LSAMP: variants seen among roughly 807,000 people sequenced by gnomAD.
The protein encoded by LSAMP is limbic system associated membrane protein.
In LSAMP, 7 loss-of-function variants were observed where a neutral mutation model predicts 38.6. The observed-to-expected ratio is 0.18, with a 90% CI of 0.10 to 0.34. The LOEUF is 0.34. LSAMP is among the 10% of genes least tolerant of loss of function. The probability of loss-of-function intolerance (pLI) is 1.00; values close to 1 mark genes in which losing one functional copy is unlikely to be tolerated. For missense variants in LSAMP, 313 were observed against 420.0 expected, an observed-to-expected ratio of 0.75 and a Z score of 2.23; for synonymous variants, 154 against 166.8, an observed-to-expected ratio of 0.92 and a Z score of 0.59.
chr3:115,933,860 G>A lies in LSAMP; in HGVS notation c.515-81243C>T, dbSNP rs543480246. 2.0e-5 allele frequency among the ~76,000 whole-genome samples: 3 copies of A among 152,308 alleles called. No homozygotes were observed. The South Asian group carries it at 6.2e-4, about 32-fold the overall frequency. ...GTTGGTGTTGTCAGTCTTCTGGGAA[G>A]GAAATACTATAGAAGAGTGTTTGGG... On this transcript the variant is annotated intron_variant, in intron 3 of 6. Coordinates refer to ENST00000490035, the MANE Select transcript of LSAMP (RefSeq NM_002338.5).
intron 1 of LSAMP, among the ~76,000 whole-genome samples, chr3:116,297,372 TCC>T (rs2047350761): frequency 2.0e-5 from 3 of 152,148 alleles, no homozygotes; most frequent in African/African-American, 7.2e-5. Flanking sequence ...GATAGTGAGA[TCC>T]CTAGCTGACA....
intron 3 of LSAMP, among the ~76,000 whole-genome samples, chr3:115,897,873 G>A (rs1936768223): frequency 6.6e-6 from 1 of 152,042 alleles, no homozygotes; most frequent in African/African-American, 2.4e-5. Flanking sequence ...AAATTGGGAG[G>A]GCAAATTTGG....
intron 1 of LSAMP, among the ~76,000 whole-genome samples, chr3:116,280,397 TTAAA>T (rs2047113071): frequency 6.6e-6 from 1 of 152,176 alleles, no homozygotes; most frequent in African/African-American, 2.4e-5. Flanking sequence ...CTTTCTTGTA[TTAAA>T]CTGAGAAAGA....
intron 4 of LSAMP, among the ~76,000 whole-genome samples, chr3:115,849,493 G>A (rs1433649680): frequency 6.6e-6 from 1 of 150,524 alleles, no homozygotes; most frequent in Admixed American, 6.6e-5. Flanking sequence ...TTTTTTTCTT[G>A]TAGTGGTACT....
chr3:115,828,860 A>G (rs993723354), intron 6 of LSAMP, among the ~76,000 whole-genome samples: 1 of 152,202 alleles, frequency 6.6e-6, no homozygotes, highest in Admixed American at 6.5e-5. Context: ...TGCTGGCTCT[A>G]GACATCTAAA....
chr3:115,816,164 C>G (rs2107456453), intron 6 of LSAMP, among the ~76,000 whole-genome samples: 1 of 152,234 alleles, frequency 6.6e-6, no homozygotes, highest in Admixed American at 6.5e-5. Context: ...ATTTATTGGA[C>G]TTGTAAAGAC....
intron 1 of LSAMP, among the ~76,000 whole-genome samples, chr3:116,144,486 A>G (rs1435166497): frequency 2.0e-5 from 3 of 151,806 alleles, no homozygotes; most frequent in Non-Finnish European, 4.4e-5. Flanking sequence ...AGGTGCCACT[A>G]CATTCCAGCC....
intron 1 of LSAMP, among the ~76,000 whole-genome samples, chr3:116,308,289 C>T (rs144834420): frequency 6.6e-6 from 1 of 151,934 alleles, no homozygotes; most frequent in African/African-American, 2.4e-5. Flanking sequence ...TACAATAAAC[C>T]CTTTCTCAGC....
chr3:116,232,248 T>A (rs2046409975), intron 1 of LSAMP, among the ~76,000 whole-genome samples: 1 of 152,150 alleles, frequency 6.6e-6, no homozygotes, highest in Admixed American at 6.5e-5. Flanking sequence ...TCTACAGCCA[T>A]CCTATGTTTA....
At chr3:115,944,192 C>T (rs1938021273) in intron 3 of LSAMP, among the ~76,000 whole-genome samples, 1 of 152,146 alleles carries the variant, frequency 6.6e-6, no homozygotes, top group Admixed American at 6.5e-5. Flanking sequence ...AAACTCTTCT[C>T]AGTAGGAATG....
At chr3:116,354,459 T>A (rs1185935718) in intron 1 of LSAMP, among the ~76,000 whole-genome samples, 7 of 152,198 alleles carry the variant, frequency 4.6e-5, no homozygotes, top group Non-Finnish European at 8.8e-5. Context: ...AACATTGTTG[T>A]GAGTTAGTCT....
chr3:116,384,679 T>C (rs1324296899), intron 1 of LSAMP, among the ~76,000 whole-genome samples: 1 of 152,122 alleles, frequency 6.6e-6, no homozygotes, highest in Non-Finnish European at 1.5e-5. Context: ...GTTCTAAAAA[T>C]TAGAAGCAGA....
At chr3:115,958,366 C>T (rs148846883) in intron 3 of LSAMP, among the ~76,000 whole-genome samples, 138 of 152,210 alleles carry the variant, frequency 9.1e-4, no homozygotes, top group Non-Finnish European at 1.6e-3. Context: ...GGGTAAAGAT[C>T]ATTTATTTAA....
chr3:116,115,672 AAAAAC>A (rs1259765416), intron 1 of LSAMP, among the ~76,000 whole-genome samples: 3 of 152,056 alleles, frequency 2.0e-5, no homozygotes, highest in African/African-American at 4.8e-5. Context: ...GCAAAAAACA[AAAAAC>A]AAAACAAAAA....
intron 3 of LSAMP, among the ~76,000 whole-genome samples, chr3:115,918,857 A>G (rs1300679068): frequency 6.6e-6 from 1 of 151,982 alleles, no homozygotes; most frequent in Non-Finnish European, 1.5e-5. Context: ...CTGTGTGCCA[A>G]CCTTTGTGCT....
At chr3:115,869,683 T>C (rs1162580803) in intron 3 of LSAMP, among the ~76,000 whole-genome samples, 1 of 152,096 alleles carries the variant, frequency 6.6e-6, no homozygotes, top group African/African-American at 2.4e-5. Flanking sequence ...TCATTCTCTT[T>C]CTGTTATAAT....
intron 1 of LSAMP, among the ~76,000 whole-genome samples, chr3:116,424,010 G>A (rs1473032267): frequency 1.3e-5 from 2 of 152,158 alleles, no homozygotes; most frequent in African/African-American, 4.8e-5. Context: ...TGACTAAAAA[G>A]GGAATAGAGA....
chr3:115,847,467 C>T (rs1189567499), intron 4 of LSAMP, among the ~76,000 whole-genome samples: 1 of 152,154 alleles, frequency 6.6e-6, no homozygotes, highest in African/African-American at 2.4e-5. Context: ...GCAGACCAGG[C>T]CCAATACACC....
In LSAMP at chr3:116,071,093, A is replaced by AAATT. The variant is rs1185784775; in HGVS notation, c.388+15230_388+15231insAATT. On this transcript the variant is annotated intron_variant, in intron 2 of 6. Transcript: ENST00000490035. The stretch of plus-strand genomic sequence containing the variant: ...TAAATAAATAAATAAATAAATAAAT[A>AAATT]AAATAATGTACCTACATGAGGTGTA... Among the ~76,000 whole-genome samples, 341 of 147,156 alleles carry AAATT rather than the reference A, an allele frequency of 2.3e-3. 1 individual carries two copies. Among genetic ancestry groups the AAATT allele is most frequent in the African/African-American group, 8.1e-3 (329 of 40,516 alleles).
Sources: allele counts gnomAD v4.1 joint callset (sites outside exome capture counted in the v4.1 genomes callset), GRCh38; gene constraint gnomAD v4.1.1; transcripts MANE v1.5; gene names NCBI Gene and HGNC (gene_info 2026-07-23, HGNC 2026-07-21).